AUTS2: variants seen among roughly 807,000 people sequenced by gnomAD.
The protein encoded by AUTS2 is activator of transcription and developmental regulator AUTS2.
AUTS2 carries 17 observed loss-of-function variants against 112.4 expected under a neutral mutation model. The ratio of observed to expected loss-of-function variants is 0.15; its 90% CI spans 0.10 to 0.23. AUTS2 has a LOEUF of 0.23. Ranked by LOEUF, AUTS2 falls within the 10% of genes least tolerant of loss-of-function variation. The pLI is 1.00. For missense variants in AUTS2, 1,510 were observed against 1,701.6 expected (o/e 0.89, Z 1.98); for synonymous variants, 751 against 702.7 (o/e 1.07, Z -1.09).
At chr7:70,685,357 C>T (rs1808415460) in intron 5 of AUTS2, among the ~76,000 whole-genome samples, 1 of 151,424 alleles carries the variant, frequency 6.6e-6, no homozygotes, top group African/African-American at 2.4e-5. Context: ...CCTGTAGACC[C>T]AGCTTCTCAG....
chr7:70,654,259 T>C (rs1359039575), intron 5 of AUTS2, among the ~76,000 whole-genome samples: 3 of 152,202 alleles, frequency 2.0e-5, no homozygotes, highest in Non-Finnish European at 4.4e-5. Context: ...CAGCAAACTT[T>C]TACAGTAAAG....
At chr7:69,756,924 TAAAG>T (rs1038622581) in intron 1 of AUTS2, among the ~76,000 whole-genome samples, 2 of 152,208 alleles carry the variant, frequency 1.3e-5, no homozygotes, top group African/African-American at 4.8e-5. Context: ...TTTGGGTCAA[TAAAG>T]AAACCCTTTA....
chr7:70,670,054 T>G (rs1170272802), intron 5 of AUTS2, among the ~76,000 whole-genome samples: 1 of 152,254 alleles, frequency 6.6e-6, no homozygotes, highest in Non-Finnish European at 1.5e-5. Context: ...ACGTTCACTG[T>G]AGGCGCACCT....
chr7:69,931,270 T>C (rs567831852), intron 2 of AUTS2, among the ~76,000 whole-genome samples: 4 of 152,332 alleles, frequency 2.6e-5, no homozygotes, highest in African/African-American at 9.6e-5. Flanking sequence ...TAAGGTCTGA[T>C]GATTTGTACT....
At chr7:69,664,887 T>C (rs1185352246) in intron 1 of AUTS2, among the ~76,000 whole-genome samples, 2 of 152,212 alleles carry the variant, frequency 1.3e-5, no homozygotes, top group African/African-American at 4.8e-5. Context: ...GTAGGGACTA[T>C]GAAATGATTG....
chr7:69,702,268 T>G (rs758157973), intron 1 of AUTS2, among the ~76,000 whole-genome samples: 1 of 152,186 alleles, frequency 6.6e-6, no homozygotes, highest in African/African-American at 2.4e-5. Flanking sequence ...GCAGGCAGTT[T>G]TTCTGCAATA....
chr7:70,448,129 C>T (rs1796390223), intron 5 of AUTS2, among the ~76,000 whole-genome samples: 1 of 152,192 alleles, frequency 6.6e-6, no homozygotes, highest in African/African-American at 2.4e-5. Context: ...AATGTACTCT[C>T]GTGCCTACAG....
chr7:70,517,609 AATAT>A (rs1453648113), intron 5 of AUTS2, among the ~76,000 whole-genome samples: 1 of 148,690 alleles, frequency 6.7e-6, no homozygotes, highest in Admixed American at 6.7e-5. Context: ...AATTAAATAA[AATAT>A]ATATAATGTA....
chr7:69,968,002 G>C (rs1797699643), intron 2 of AUTS2, among the ~76,000 whole-genome samples: 1 of 152,202 alleles, frequency 6.6e-6, no homozygotes, highest in African/African-American at 2.4e-5. Flanking sequence ...CGCTGACCAA[G>C]TGGAAGCAAT....
chr7:69,816,371 A>G (rs904798396), intron 1 of AUTS2, among the ~76,000 whole-genome samples: 1 of 152,216 alleles, frequency 6.6e-6, no homozygotes, highest in African/African-American at 2.4e-5. Flanking sequence ...AAACTCAGTT[A>G]TTCTGGCTAA....
intron 1 of AUTS2, among the ~76,000 whole-genome samples, chr7:69,662,136 T>G (rs142660360): frequency 8.6e-4 from 131 of 152,160 alleles, no homozygotes; most frequent in African/African-American, 3.0e-3. Context: ...ACTCTCCATG[T>G]AAAGAAACTC....
chr7:69,826,985 T>G (rs1350333630), intron 1 of AUTS2, among the ~76,000 whole-genome samples: 1 of 152,190 alleles, frequency 6.6e-6, no homozygotes, highest in East Asian at 1.9e-4. Flanking sequence ...CCATTTCATG[T>G]CAGCTCTGTC....
chr7:69,776,194 AATACTT>A (rs1788889146), intron 1 of AUTS2, among the ~76,000 whole-genome samples: 1 of 152,126 alleles, frequency 6.6e-6, no homozygotes, highest in Non-Finnish European at 1.5e-5. Context: ...GTGGGGGAAA[AATACTT>A]ATTAGGAATC....
chr7:69,707,687 C>T (rs1584107956), intron 1 of AUTS2, among the ~76,000 whole-genome samples: 1 of 152,280 alleles, frequency 6.6e-6, no homozygotes, highest in African/African-American at 2.4e-5. Context: ...AATTCCTATC[C>T]TTGCGGGATT....
At chr7:70,624,314 AGAACT>A (rs1053173997) in intron 5 of AUTS2, among the ~76,000 whole-genome samples, 9 of 152,182 alleles carry the variant, frequency 5.9e-5, no homozygotes, top group African/African-American at 2.2e-4. Flanking sequence ...CCATCTGCCC[AGAACT>A]CCAGAGTTCA....
chr7:69,689,343 A>ATTTTT (rs530444257), intron 1 of AUTS2, among the ~76,000 whole-genome samples: 249 of 102,454 alleles, frequency 2.4e-3, no homozygotes, highest in Non-Finnish European at 3.0e-3. Flanking sequence ...TAATTAATTA[A>ATTTTT]TTTTTTTTTT....
intron 17 of AUTS2, among the ~76,000 whole-genome samples, chr7:70,786,359 A>G (rs1478613465): frequency 6.6e-6 from 1 of 152,204 alleles, no homozygotes. Context: ...AGCTCACATT[A>G]CAAGTGAAAG....
intron 5 of AUTS2, among the ~76,000 whole-genome samples, chr7:70,668,123 G>C (rs1207325758): frequency 6.6e-6 from 1 of 152,172 alleles, no homozygotes; most frequent in Admixed American, 6.5e-5. Flanking sequence ...GGGACTTTAG[G>C]TGTGTGCCAC....
chr7:69,988,095 G>C (rs1798586959), intron 2 of AUTS2, among the ~76,000 whole-genome samples: 1 of 152,180 alleles, frequency 6.6e-6, no homozygotes, highest in African/African-American at 2.4e-5. Context: ...GATGTGGTAA[G>C]TGCCTCTTGA....
Sources: allele counts gnomAD v4.1 joint callset (sites outside exome capture counted in the v4.1 genomes callset), GRCh38; gene constraint gnomAD v4.1.1; transcripts MANE v1.5; gene names NCBI Gene and HGNC (gene_info 2026-07-23, HGNC 2026-07-21).